THTPA: variants seen among roughly 807,000 people sequenced by gnomAD.
The protein encoded by THTPA is thiamine-triphosphatase.
THTPA carries 16 observed loss-of-function variants against 16.5 expected under a neutral mutation model. That is an observed-to-expected ratio of 0.97 (90% CI 0.66 to 1.47). The LOEUF is 1.47. Among genes scored for constraint, THTPA ranks in the 40% most tolerant of loss-of-function variants. THTPA has a pLI of 0.00. For synonymous variants in THTPA, 110 were observed against 115.5 expected (o/e 0.95, Z 0.30); for missense variants, 281 against 280.9 (o/e 1.00, Z 0.00).
chr14:23,545,094 C>T, the THTPA span, among the ~76,000 whole-genome samples: 1 of 152,108 alleles, frequency 6.6e-6, no homozygotes, highest in South Asian at 2.1e-4. Flanking sequence ...TCTTTTCCTT[C>T]CCTCTCCCCC....
chr14:23,553,892 T>TCAAA (rs201576360), upstream of THTPA, among the ~76,000 whole-genome samples: 11 of 151,514 alleles, frequency 7.3e-5, no homozygotes, highest in African/African-American at 2.2e-4. Context: ...AGACTCCGTC[T>TCAAA]CAAACAAACA....
the THTPA span, chr14:23,532,953 G>A: frequency 6.5e-7 from 1 of 1,536,202 alleles, no homozygotes; most frequent in Non-Finnish European, 8.7e-7. Flanking sequence ...CTGAAGGCCT[G>A]GCACACTAGG....
the THTPA span, chr14:23,533,949 G>A: frequency 3.3e-6 from 5 of 1,537,898 alleles, no homozygotes; most frequent in Non-Finnish European, 4.4e-6. The surrounding 1 kb of genome is among the most constrained non-coding windows in gnomAD (Gnocchi z 4.8). Flanking sequence ...TGTAGTGCCA[G>A]TTGCACTTGG....
the THTPA span, among the ~76,000 whole-genome samples, chr14:23,535,737 C>T: frequency 2.0e-5 from 3 of 152,022 alleles, no homozygotes; most frequent in Non-Finnish European, 4.4e-5. The surrounding 1 kb of genome is among the most constrained non-coding windows in gnomAD (Gnocchi z 4.5). Context: ...GGATTACAGG[C>T]TTGTGCCACC....
At chr14:23,540,231 T>A in the THTPA span, among the ~76,000 whole-genome samples, 1 of 152,234 alleles carries the variant, frequency 6.6e-6, no homozygotes, top group Non-Finnish European at 1.5e-5. Context: ...GCTAAAGCAA[T>A]CTGCCCGCTT....
chr14:23,559,692 G>C lies in THTPA; in HGVS notation c.*852G>C. On this transcript the variant is annotated 3_prime_UTR_variant, in exon 2 of 2. Transcript: ENST00000288014. ...AGCCCTCAGGTGTAGGTTCGAAGCTGCTGGGGCCCCCTGGGGTTTGGGACA... is the reference window on the plus strand; with the variant it reads ...AGCCCTCAGGTGTAGGTTCGAAGCTCCTGGGGCCCCCTGGGGTTTGGGACA... 4 of 1,559,800 alleles carry C rather than the reference G, an allele frequency of 2.6e-6. No individual in the cohort carries two copies. The highest frequency in any genetic ancestry group is 3.5e-6 in the Non-Finnish European group (4 of 1,137,044).
chr14:23,527,731 T>A, the THTPA span: 1 of 1,536,134 alleles, frequency 6.5e-7, no homozygotes, highest in Non-Finnish European at 8.7e-7. Flanking sequence ...CTGCACTGCA[T>A]GCTGGGAGAG....
chr14:23,516,096 T>C, the THTPA span, among the ~76,000 whole-genome samples: 1 of 152,232 alleles, frequency 6.6e-6, no homozygotes, highest in East Asian at 1.9e-4. Context: ...GATATGGTGC[T>C]AAGCTCTCTA....
At chr14:23,515,246 T>G in the THTPA span, among the ~76,000 whole-genome samples, 5 of 152,198 alleles carry the variant, frequency 3.3e-5, no homozygotes, top group African/African-American at 1.2e-4. Flanking sequence ...CTTATGCATA[T>G]TTCATTCTGC....
chr14:23,534,351 G>T, the THTPA span: 1 of 1,536,702 alleles, frequency 6.5e-7, no homozygotes, highest in African/African-American at 1.4e-5. This position sits in a 1 kb window ranked among gnomAD's most constrained non-coding sequence, Gnocchi z 4.5. Flanking sequence ...CTGCCTCAGG[G>T]GGGCCATCCT....
chr14:23,535,096 T>C, the THTPA span: 1 of 1,536,078 alleles, frequency 6.5e-7, no homozygotes, highest in East Asian at 2.4e-5. This position sits in a 1 kb window ranked among gnomAD's most constrained non-coding sequence, Gnocchi z 4.5. Flanking sequence ...AGGCCCTTCC[T>C]GGGGCTCCCC....
chr14:23,555,883 A>G (rs1882324292), upstream of THTPA: 1 of 152,212 alleles, frequency 6.6e-6, no homozygotes, highest in African/African-American at 2.4e-5. Context: ...TTGTAGCCCC[A>G]GTTCAGCTTT....
the THTPA span, among the ~76,000 whole-genome samples, chr14:23,519,609 T>G: frequency 6.6e-6 from 1 of 152,134 alleles, no homozygotes; most frequent in Non-Finnish European, 1.5e-5. Context: ...TCCGCCTAAT[T>G]TGCTGTTAGT....
the THTPA span, among the ~76,000 whole-genome samples, chr14:23,548,116 C>T: frequency 1.3e-5 from 2 of 152,186 alleles, no homozygotes; most frequent in African/African-American, 4.8e-5. Context: ...AAAGCCATTA[C>T]ACTTTCAACA....
chr14:23,526,832 T>C, the THTPA span: 38 of 1,524,950 alleles, frequency 2.5e-5, no homozygotes, highest in Non-Finnish European at 3.1e-5. Flanking sequence ...GGAGGTTTGC[T>C]GTTCCATTCC....
Position 23,559,699 on chromosome 14 carries a change from C to A in THTPA, c.*859C>A. The stretch of plus-strand genomic sequence containing the variant: ...AGGTGTAGGTTCGAAGCTGCTGGGG[C>A]CCCCTGGGGTTTGGGACACAGGAGA... On this transcript the variant is annotated 3_prime_UTR_variant, in exon 2 of 2. Transcript: ENST00000288014. 1 of 1,575,130 alleles carries A rather than the reference C, an allele frequency of 6.3e-7. No individual in the cohort carries two copies. The highest frequency in any genetic ancestry group is 8.7e-7 in the Non-Finnish European group (1 of 1,149,190).
chr14:23,523,680 G>A, the THTPA span: 41 of 1,538,834 alleles, frequency 2.7e-5, no homozygotes, highest in South Asian at 3.6e-5. The surrounding 1 kb of genome is among the most constrained non-coding windows in gnomAD (Gnocchi z 4.1). Context: ...GTGGGGGTGC[G>A]GTAAGCTTCA....
the THTPA span, among the ~76,000 whole-genome samples, chr14:23,520,677 G>A: frequency 6.6e-6 from 1 of 152,124 alleles, no homozygotes; most frequent in Admixed American, 6.5e-5. This position sits in a 1 kb window ranked among gnomAD's most constrained non-coding sequence, Gnocchi z 8.7. Context: ...CTTGGAGGCT[G>A]CGCATAGCAG....
At chr14:23,522,374 A>G in the THTPA span, 1 of 1,536,198 alleles carries the variant, frequency 6.5e-7, no homozygotes, top group Non-Finnish European at 8.7e-7. Context: ...GCTGCCTGTC[A>G]GCAGCTCATC....
Sources: gnomAD v4.1 joint callset for allele counts (sites outside exome capture counted in the v4.1 genomes callset) on GRCh38, gnomAD v4.1.1 for gene constraint, Gnocchi (gnomAD v3.1) non-coding constraint, MANE v1.5 for transcripts, NCBI Gene and HGNC (gene_info 2026-07-23, HGNC 2026-07-21) for gene names.